Variants in CORIN observed in about 807,000 individuals in gnomAD.
The protein encoded by CORIN is atrial natriuretic peptide-converting enzyme.
A neutral mutation model predicts 125.3 loss-of-function variants in CORIN; 117 were observed. The ratio of observed to expected loss-of-function variants is 0.93; its 90% CI spans 0.80 to 1.09. CORIN has a LOEUF of 1.09. Among genes scored for constraint, CORIN ranks in the 50% least tolerant of loss-of-function variants. The pLI, the probability that CORIN is intolerant of heterozygous loss-of-function variation, is 0.00. For missense variants in CORIN, 1,253 were observed against 1,306.7 expected, an observed-to-expected ratio of 0.96 and a Z score of 0.63; for synonymous variants, 450 against 466.4, an observed-to-expected ratio of 0.96 and a Z score of 0.45.
chr4:47,616,779 C>T (rs930569768), intron 19 of CORIN, among the ~76,000 whole-genome samples: 2 of 151,938 alleles, frequency 1.3e-5, no homozygotes, highest in African/African-American at 2.4e-5. Context: ...TGGAATGGAG[C>T]AACAGATGAA....
intron 10 of CORIN, among the ~76,000 whole-genome samples, chr4:47,674,171 G>T (rs1329473073): frequency 6.6e-6 from 1 of 152,174 alleles, no homozygotes; most frequent in Non-Finnish European, 1.5e-5. Flanking sequence ...AAGCAATGTG[G>T]ACTTATAGGC....
chr4:47,616,027 T>C (rs906433717), intron 19 of CORIN, among the ~76,000 whole-genome samples: 1 of 152,208 alleles, frequency 6.6e-6, no homozygotes, highest in Admixed American at 6.5e-5. Flanking sequence ...GGGAAGTTTG[T>C]GAAGCAACAA....
At chr4:47,634,207 C>T (rs1202739128) in intron 16 of CORIN, among the ~76,000 whole-genome samples, 1 of 152,104 alleles carries the variant, frequency 6.6e-6, no homozygotes, top group East Asian at 1.9e-4. Context: ...GGGAGGAGGG[C>T]AAAGGGGATG....
At chr4:47,758,326 T>C (rs770804721) in intron 4 of CORIN, among the ~76,000 whole-genome samples, 27 of 152,150 alleles carry the variant, frequency 1.8e-4, no homozygotes, top group Non-Finnish European at 2.8e-4. Flanking sequence ...TTGAAAAAAA[T>C]TGAAGAAGGC....
intron 10 of CORIN, among the ~76,000 whole-genome samples, chr4:47,667,047 G>T (rs1724513167): frequency 6.6e-6 from 1 of 152,216 alleles, no homozygotes; most frequent in Non-Finnish European, 1.5e-5. Flanking sequence ...GCCAGTGGGA[G>T]ATCACTGATA....
At chr4:47,607,654 T>C (rs1721706243) in intron 19 of CORIN, among the ~76,000 whole-genome samples, 1 of 152,106 alleles carries the variant, frequency 6.6e-6, no homozygotes, top group Non-Finnish European at 1.5e-5. Context: ...TACGTGGTGA[T>C]TGTTACATCA....
At chr4:47,809,042 G>C (rs1017281964) in intron 1 of CORIN, among the ~76,000 whole-genome samples, 1 of 152,144 alleles carries the variant, frequency 6.6e-6, no homozygotes, top group Non-Finnish European at 1.5e-5. Context: ...GGAAGATCAC[G>C]TAAGACATTG....
intron 16 of CORIN, among the ~76,000 whole-genome samples, chr4:47,636,967 G>C (rs1723050265): frequency 6.6e-6 from 1 of 152,182 alleles, no homozygotes; most frequent in Non-Finnish European, 1.5e-5. Context: ...GGAAAGTTTG[G>C]AACTCCCTAG....
intron 2 of CORIN, among the ~76,000 whole-genome samples, chr4:47,806,551 A>G (rs1171770510): frequency 2.6e-5 from 4 of 152,156 alleles, no homozygotes; most frequent in South Asian, 2.1e-4. Flanking sequence ...ATACACTTCT[A>G]TCTTAAACAC....
intron 5 of CORIN, among the ~76,000 whole-genome samples, chr4:47,721,976 A>G (rs569887965): frequency 6.6e-5 from 10 of 152,328 alleles, no homozygotes; most frequent in African/African-American, 2.2e-4. Flanking sequence ...ACAAATCTTT[A>G]ATCCAAACAC....
At chr4:47,810,754 A>T (rs749087617) in intron 1 of CORIN, among the ~76,000 whole-genome samples, 37 of 152,130 alleles carry the variant, frequency 2.4e-4, no homozygotes, top group Admixed American at 9.2e-4. Context: ...CACACATTTA[A>T]CTTCAATTAG....
chr4:47,675,724 CAT>C (rs1225681958), intron 9 of CORIN, among the ~76,000 whole-genome samples: 1 of 152,044 alleles, frequency 6.6e-6, no homozygotes, highest in Non-Finnish European at 1.5e-5. Flanking sequence ...TTATGGAAGA[CAT>C]ATTTATTTTT....
intron 16 of CORIN, among the ~76,000 whole-genome samples, chr4:47,637,957 C>A (rs545024545): frequency 6.6e-6 from 1 of 152,206 alleles, no homozygotes; most frequent in Non-Finnish European, 1.5e-5. Context: ...ATGAAAGCAG[C>A]TAGGAGGGAG....
chr4:47,623,669 T>C lies in CORIN; in HGVS notation c.2442A>G (p.Pro814=), dbSNP rs1213468977. ...GTTCACTCTGCAGAGAACACTGCCA[T>C]GGCCACCTTCCAGGGCGACTCGTCC... ...GGRTSRPGRW[P]WQCSLQSEPS... The change falls in exon 19 of 22, where the codon CCA becomes CCG. Residue 814 remains proline (P), a synonymous_variant. Coordinates refer to ENST00000273857, the MANE Select transcript of CORIN (RefSeq NM_006587.4). 3 of 1,614,226 alleles carry C rather than the reference T, an allele frequency of 1.9e-6. No individual in the cohort carries two copies. Among genetic ancestry groups the C allele is most frequent in the Admixed American group, 3.3e-5 (2 of 60,020 alleles).
At chr4:47,646,584 C>G (rs1334130225) in intron 13 of CORIN, among the ~76,000 whole-genome samples, 1 of 152,164 alleles carries the variant, frequency 6.6e-6, no homozygotes, top group African/African-American at 2.4e-5. Context: ...ATCCCTGGCC[C>G]CGGCCAGGCC....
chr4:47,805,327 C>T (rs942849406), intron 2 of CORIN, among the ~76,000 whole-genome samples: 1 of 151,866 alleles, frequency 6.6e-6, no homozygotes, highest in African/African-American at 2.4e-5. Flanking sequence ...TAAATATATA[C>T]ACCCACTATG....
chr4:47,763,384 A>G lies in CORIN; in HGVS notation c.612T>C (p.Asp204=). 6.2e-7 allele frequency: 1 copy of G among 1,612,692 alleles called. No individual in the cohort carries two copies. Among genetic ancestry groups the G allele is most frequent in the Non-Finnish European group, 8.5e-7 (1 of 1,179,044 alleles). ...TAATCTGGGTTCCGAAATACCTGTC[A>G]TCGCCATCAATGATGCACTCAGGGA... ...LAFPECIIDG[D]DSHGLLPCRS... The change falls in exon 4 of 22, where the codon GAT becomes GAC. Residue 204 remains aspartate (D), a synonymous_variant. Coordinates refer to ENST00000273857, the MANE Select transcript of CORIN (RefSeq NM_006587.4).
chr4:47,693,314 T>C (rs1192789308), intron 5 of CORIN, among the ~76,000 whole-genome samples: 2 of 152,180 alleles, frequency 1.3e-5, no homozygotes, highest in Non-Finnish European at 2.9e-5. Context: ...CAGGAGATAG[T>C]TCACCAGTGG....
At chr4:47,642,878 C>A in intron 15 of CORIN, 2 of 1,463,244 alleles carry the variant, frequency 1.4e-6, no homozygotes, top group South Asian at 1.4e-5. Context: ...TTTTTAAATC[C>A]TCTCCCAGCA....
Sources: gnomAD v4.1 joint callset for allele counts (sites outside exome capture counted in the v4.1 genomes callset) on GRCh38, gnomAD v4.1.1 for gene constraint, MANE v1.5 for transcripts, NCBI Gene and HGNC (gene_info 2026-07-23, HGNC 2026-07-21) for gene names.